GJA4: variants seen among roughly 807,000 people sequenced by gnomAD.
GJA4 encodes gap junction alpha-4 protein.
A neutral mutation model predicts 25.1 loss-of-function variants in GJA4; 13 were observed. That is an observed-to-expected ratio of 0.52 (90% CI 0.34 to 0.82). GJA4 has a LOEUF of 0.82. Ranked by LOEUF, GJA4 falls within the 40% of genes least tolerant of loss-of-function variation. The pLI is 0.02. For synonymous variants in GJA4, 167 were observed against 193.9 expected (o/e 0.86, Z 1.15); for missense variants, 357 against 443.5 (o/e 0.80, Z 1.75).
rs771803516 is a variant in GJA4 at position 34,795,018 on chromosome 1, G to A, written c.805G>A (p.Val269Met). ...YTDQVFFYLP[V>M]GQGPSSPPCP... ...GGACCAGGTCTTCTTCTACCTCCCC[G>A]TGGGCCAGGGGCCCTCATCCCCACC... Residue 269 changes from valine (V) to methionine (M), a missense_variant, in exon 2 of 2, where the codon GTG (valine) becomes ATG (methionine). This residue lies in a region of GJA4 where 278 missense variants were observed against 298.1 expected (regional missense o/e 0.93). Coordinates refer to ENST00000342280, the MANE Select transcript of GJA4 (RefSeq NM_002060.3). The A allele has an allele frequency of 8.7e-6, 14 of 1,613,008 alleles. No homozygotes were observed. Among genetic ancestry groups the A allele is most frequent in the African/African-American group, 1.3e-5 (1 of 74,876 alleles).
chr1:34,795,383 C>T lies in GJA4; in HGVS notation c.*168C>T, dbSNP rs1480237624. 1 of 588,158 alleles carries T rather than the reference C, an allele frequency of 1.7e-6. No homozygotes were observed. Among genetic ancestry groups the T allele is most frequent in the Non-Finnish European group, 3.1e-6 (1 of 324,204 alleles). The allele number at this position is 588,158 out of a possible 1,614,324, so 36.4% of individuals were successfully genotyped here. A position where few individuals can be genotyped will look rare whatever the true frequency, so the allele number is the denominator to read the frequency against. The stretch of plus-strand genomic sequence containing the variant: ...GTTGTTCTTGAACACCTGAGGCCTT[C>T]CTGGTGCCCACCAGGCACTACGGCT... On this transcript the variant is annotated 3_prime_UTR_variant, in exon 2 of 2. Transcript: ENST00000342280.
chr1:34,795,000 GTCT>G lies in GJA4; in HGVS notation c.794_796del (p.Phe265del), dbSNP rs1365819435. On this transcript the variant is annotated inframe_deletion, in exon 2 of 2. Transcript: ENST00000342280. This position sits in a 1 kb window ranked among gnomAD's most constrained non-coding sequence, Gnocchi z 7.8. ...CTCCTCAGACCCTTACACGGACCAG[GTCT>G]TCTTCTACCTCCCCGTGGGCCAGGG... 6.2e-7 allele frequency: 1 copy of G among 1,613,746 alleles called. No individual in the cohort carries two copies. The highest frequency in any genetic ancestry group is 1.3e-5 in the African/African-American group (1 of 74,910).
rs531123856 is a variant in GJA4, at chr1:34,794,974, C to G, written c.761C>G (p.Thr254Ser). Residue 254 changes from threonine to serine, a missense_variant, in exon 2 of 2, where the codon ACC becomes AGC. Thr to Ser is a moderately conservative substitution (Grantham distance 58). Transcript: ENST00000342280. The surrounding 1 kb of genome is among the most constrained non-coding windows in gnomAD (Gnocchi z 7.8). ...QGQDAPPTQG[T>S]SSDPYTDQVF... is the part of the protein sequence containing the mutation. ...CAAGACGCACCCCCGACCCAGGGCACCTCCTCAGACCCTTACACGGACCAG... is the reference window on the plus strand; with the variant it reads ...CAAGACGCACCCCCGACCCAGGGCAGCTCCTCAGACCCTTACACGGACCAG... 172 of 1,614,098 alleles carry G rather than the reference C, an allele frequency of 1.1e-4. No individual in the cohort carries two copies. The South Asian group carries it at 1.7e-3, about 16-fold the overall frequency.
At position 34,794,273 on chromosome 1, in the gene GJA4, G is replaced by C; in HGVS notation, c.60G>C (p.Val20=). ...LLDQVQEHST[V]VGKIWLTVLF... is the part of the protein sequence containing the mutation. ...ACCAGGTCCAGGAGCACTCGACCGTGGTGGGTAAGATCTGGCTGACGGTGC... is the reference window on the plus strand; with the variant it reads ...ACCAGGTCCAGGAGCACTCGACCGTCGTGGGTAAGATCTGGCTGACGGTGC... Residue 20 remains valine, a synonymous_variant, in exon 2 of 2, where the codon GTG becomes GTC. Coordinates refer to ENST00000342280, the MANE Select transcript of GJA4 (RefSeq NM_002060.3). This position sits in a 1 kb window ranked among gnomAD's most constrained non-coding sequence, Gnocchi z 7.8. 1 of 1,614,174 alleles carries C rather than the reference G, an allele frequency of 6.2e-7. No individual in the cohort carries two copies. Among genetic ancestry groups the C allele is most frequent in the South Asian group, 1.1e-5 (1 of 91,082 alleles).
intron 1 of GJA4, 84 bp downstream of exon 1, chr1:34,793,152 CG>C: frequency 4.0e-6 from 1 of 247,342 alleles, no homozygotes; most frequent in Non-Finnish European, 8.0e-6. Context: ...GATGCCGGGA[CG>C]GGGGTTGCTG....
rs1640208834 is a variant in GJA4, at chr1:34,793,056, C to T, written c.-30C>T. The stretch of plus-strand genomic sequence containing the variant: ...CGTCCCCACCTCCACCTGGGCCGCC[C>T]GGCAGGCAGGCGGTGAGTCGGGGGC... On this transcript the variant is annotated 5_prime_UTR_variant, in exon 1 of 2. Coordinates refer to ENST00000342280, the MANE Select transcript of GJA4 (RefSeq NM_002060.3). 5.9e-6 allele frequency: 2 copies of T among 336,934 alleles called. No individual in the cohort carries two copies. Among genetic ancestry groups the T allele is most frequent in the Non-Finnish European group, 1.2e-5 (2 of 169,838 alleles). 20.9% of individuals were successfully genotyped at this position (336,934 alleles called of 1,614,324 possible).
rs1282952834 is a variant in GJA4, at chr1:34,794,365, A to G, written c.152A>G (p.Asp51Gly). Residue 51 changes from aspartate to glycine, a missense_variant, in exon 2 of 2, where the codon GAT (aspartate) becomes GGT (glycine). By Grantham distance (94) the Asp-to-Gly change is moderately conservative. This residue lies in a region of GJA4 where 79 missense variants were observed against 145.4 expected (regional missense o/e 0.54). Transcript: ENST00000342280. This position sits in a 1 kb window ranked among gnomAD's most constrained non-coding sequence, Gnocchi z 7.8. ...GESVWGDEQS[D>G]FECNTAQPGC... The stretch of plus-strand genomic sequence containing the variant: ...TCAGTGTGGGGTGACGAGCAATCAG[A>G]TTTCGAGTGTAACACGGCCCAGCCA... 1 of 1,614,016 alleles carries G rather than the reference A, an allele frequency of 6.2e-7. No individual in the cohort carries two copies. The highest frequency in any genetic ancestry group is 8.5e-7 in the Non-Finnish European group (1 of 1,180,032).
In GJA4 at chr1:34,794,566, C is replaced by CT; in HGVS notation, c.353_354insT (p.Lys119GlnfsTer106). On this transcript the variant is annotated frameshift_variant, in exon 2 of 2. Coordinates refer to ENST00000342280, the MANE Select transcript of GJA4 (RefSeq NM_002060.3). LOFTEE classifies it high-confidence loss of function. The surrounding 1 kb of genome is among the most constrained non-coding windows in gnomAD (Gnocchi z 7.8). ...GAGGGGGAGCTGCGGGCACTGCCGG[C>CT]CAAGGACCCACAGGTGGAGCGGGCG... 1 of 1,609,482 alleles carries CT rather than the reference C, an allele frequency of 6.2e-7. No homozygotes were observed. Among genetic ancestry groups the CT allele is most frequent in the Non-Finnish European group, 8.5e-7 (1 of 1,179,950 alleles).
At position 34,794,498 on chromosome 1, in the gene GJA4, T is replaced by C; in HGVS notation, c.285T>C (p.His95=). ...VSTPTLVYLG[H]VIYLSRREER... ...CACCCACCCTGGTCTACCTGGGCCA[T>C]GTCATTTACCTGTCTCGGCGAGAAG... Residue 95 remains histidine (H), a synonymous_variant, in exon 2 of 2, where the codon CAT becomes CAC. Coordinates refer to ENST00000342280, the MANE Select transcript of GJA4 (RefSeq NM_002060.3). This position sits in a 1 kb window ranked among gnomAD's most constrained non-coding sequence, Gnocchi z 7.8. 6.2e-7 allele frequency: 1 copy of C among 1,614,156 alleles called. No individual in the cohort carries two copies. The highest frequency in any genetic ancestry group is 8.5e-7 in the Non-Finnish European group (1 of 1,180,032).
At position 34,794,056 on chromosome 1, in the gene GJA4, C is replaced by T; in HGVS notation, c.-17-141C>T. 1 of 671,290 alleles carries T rather than the reference C, an allele frequency of 1.5e-6. No homozygotes were observed. Among genetic ancestry groups the T allele is most frequent in the South Asian group, 1.9e-5 (1 of 52,120 alleles). 41.6% of individuals were successfully genotyped at this position (671,290 alleles called of 1,614,324 possible). A position where few individuals can be genotyped will look rare whatever the true frequency, so the allele number is the denominator to read the frequency against. On this transcript the variant is annotated intron_variant, in intron 1 of 1. Transcript: ENST00000342280. The surrounding 1 kb of genome is among the most constrained non-coding windows in gnomAD (Gnocchi z 7.8). The stretch of plus-strand genomic sequence containing the variant: ...TCCTGCCTGCACTGCTGAGTGGGAG[C>T]CTCCAGGCCAGTCCTTCCCCTTCCT...
chr1:34,794,913 C>T lies in GJA4; in HGVS notation c.700C>T (p.Arg234Cys), dbSNP rs1571586533. 1.2e-6 allele frequency: 2 copies of T among 1,614,024 alleles called. No homozygotes were observed. Among genetic ancestry groups the T allele is most frequent in the East Asian group, 4.5e-5 (2 of 44,884 alleles). Residue 234 changes from arginine (R) to cysteine (C), a missense_variant, in exon 2 of 2, where the codon CGC becomes TGC. Arg to Cys is a radical substitution (Grantham distance 180). Around this residue, in one of 2 missense-constraint regions of GJA4, gnomAD observed 278 missense variants for 298.1 expected, o/e 0.93. Coordinates refer to ENST00000342280, the MANE Select transcript of GJA4 (RefSeq NM_002060.3). This position sits in a 1 kb window ranked among gnomAD's most constrained non-coding sequence, Gnocchi z 7.8. ...GCTGGAGTTGGTGCACCTGCTGTGT[C>T]GCTGCCTCAGCCGGGGGATGAGGGC... ...NLLELVHLLC[R>C]CLSRGMRARQ...
In GJA4 at chr1:34,794,324, G is replaced by A. The variant is rs1285966226; in HGVS notation, c.111G>A (p.Leu37=). ...TVLFIFRILI[L]GLAGESVWGD... ...TCTTCATCTTCCGCATCCTCATCCTGGGCCTGGCCGGCGAGTCAGTGTGGG... is the reference window on the plus strand; with the variant it reads ...TCTTCATCTTCCGCATCCTCATCCTAGGCCTGGCCGGCGAGTCAGTGTGGG... Residue 37 remains leucine (L), a synonymous_variant, in exon 2 of 2, where the codon CTG becomes CTA. Transcript: ENST00000342280. This position sits in a 1 kb window ranked among gnomAD's most constrained non-coding sequence, Gnocchi z 7.8. 1 of 1,614,096 alleles carries A rather than the reference G, an allele frequency of 6.2e-7. No homozygotes were observed. The highest frequency in any genetic ancestry group is 2.2e-5 in the East Asian group (1 of 44,888).
At chr1:34,793,591 T>A (rs1741968) in intron 1 of GJA4, among the ~76,000 whole-genome samples, 40,978 of 152,090 alleles carry the variant, frequency 0.27, 6,491 homozygotes, top group African/African-American at 0.44. Flanking sequence ...TGCTGACCGG[T>A]GGAGCTAAAG....
In GJA4 at chr1:34,794,084, G is replaced by C; in HGVS notation, c.-17-113G>C. ...CCAGGCCAGTCCTTCCCCTTCCTGA[G>C]CCTGGGTTTCTTTGTAGGTAGAACG... On this transcript the variant is annotated intron_variant, in intron 1 of 1. Coordinates refer to ENST00000342280, the MANE Select transcript of GJA4 (RefSeq NM_002060.3). This position sits in a 1 kb window ranked among gnomAD's most constrained non-coding sequence, Gnocchi z 7.8. 1 of 836,456 alleles carries C rather than the reference G, an allele frequency of 1.2e-6. No homozygotes were observed. The highest frequency in any genetic ancestry group is 1.9e-6 in the Non-Finnish European group (1 of 540,026). 51.8% of individuals were successfully genotyped at this position (836,456 alleles called of 1,614,324 possible). A position where few individuals can be genotyped will look rare whatever the true frequency, so the allele number is the denominator to read the frequency against.
In GJA4 at chr1:34,794,557, C is replaced by T. The variant is rs1238306071; in HGVS notation, c.344C>T (p.Ala115Val). 9.3e-6 allele frequency: 15 copies of T among 1,610,162 alleles called. No homozygotes were observed. The highest frequency in any genetic ancestry group is 1.2e-5 in the Non-Finnish European group (14 of 1,179,992). ...RLRQKEGELR[A>V]LPAKDPQVER... ...CGGCAGAAGGAGGGGGAGCTGCGGG[C>T]ACTGCCGGCCAAGGACCCACAGGTG... is the stretch of plus-strand genomic sequence containing the variant. Residue 115 changes from alanine (A) to valine (V), a missense_variant, in exon 2 of 2, where the codon GCA becomes GTA. By Grantham distance (64) the Ala-to-Val change is moderately conservative. Coordinates refer to ENST00000342280, the MANE Select transcript of GJA4 (RefSeq NM_002060.3). This position sits in a 1 kb window ranked among gnomAD's most constrained non-coding sequence, Gnocchi z 7.8.
intron 1 of GJA4, among the ~76,000 whole-genome samples, chr1:34,793,797 A>C (rs1286677077): frequency 6.6e-6 from 1 of 152,214 alleles, no homozygotes; most frequent in Admixed American, 6.5e-5. Context: ...AGCCTTGGGC[A>C]AAAGGGAGGA....
chr1:34,795,264 T>TCCCAGGCA lies in GJA4; in HGVS notation c.*49_*50insCCCAGGCA. 8.1e-7 allele frequency: 1 copy of TCCCAGGCA among 1,241,882 alleles called. No individual in the cohort carries two copies. Among genetic ancestry groups the TCCCAGGCA allele is most frequent in the Non-Finnish European group, 1.1e-6 (1 of 875,416 alleles). 76.9% of individuals were successfully genotyped at this position (1,241,882 alleles called of 1,614,324 possible). On this transcript the variant is annotated 3_prime_UTR_variant, in exon 2 of 2. Transcript: ENST00000342280. ...ACAGAGGGGTCCTGAGAAGTCTGGC[T>TCCCAGGCA]GCCTGGGATGCCCCCTGCCCCCTCC...
At chr1:34,793,695 C>A in intron 1 of GJA4, among the ~76,000 whole-genome samples, 1 of 152,252 alleles carries the variant, frequency 6.6e-6, no homozygotes. Context: ...AGATATGAGG[C>A]GGGGAGCAGG....
rs1640208496 is a variant in GJA4 at position 34,793,051 on chromosome 1, C to T, written c.-35C>T. Reference sequence around the variant, plus strand: ...GCCATCGTCCCCACCTCCACCTGGGCCGCCCGGCAGGCAGGCGGTGAGTCG... The same window carrying T: ...GCCATCGTCCCCACCTCCACCTGGGTCGCCCGGCAGGCAGGCGGTGAGTCG... On this transcript the variant is annotated 5_prime_UTR_variant, in exon 1 of 2. Coordinates refer to ENST00000342280, the MANE Select transcript of GJA4 (RefSeq NM_002060.3). The T allele has an allele frequency of 5.9e-6, 2 of 339,324 alleles. No homozygotes were observed. Among genetic ancestry groups the T allele is most frequent in the African/African-American group, 2.2e-5 (1 of 45,946 alleles). The allele number at this position is 339,324 out of a possible 1,614,324, so 21.0% of individuals were successfully genotyped here.
Sources: allele counts gnomAD v4.1 joint callset (sites outside exome capture counted in the v4.1 genomes callset), GRCh38; gene constraint gnomAD v4.1.1; regional missense constraint gnomAD v4.1.1; non-coding constraint Gnocchi (gnomAD v3.1); transcripts MANE v1.5; gene names NCBI Gene and HGNC (gene_info 2026-07-23, HGNC 2026-07-21).